The following MDM2 variants were observed in gnomAD, a reference collection of about 807,000 sequenced individuals.
The protein encoded by MDM2 is E3 ubiquitin-protein ligase Mdm2.
A neutral mutation model predicts 64.3 loss-of-function variants in MDM2; 11 were observed. The ratio of observed to expected loss-of-function variants is 0.17; its 90% CI spans 0.11 to 0.28. The LOEUF is 0.28. Among genes scored for constraint, MDM2 ranks in the 10% least tolerant of loss-of-function variants. MDM2 has a pLI of 1.00. For synonymous variants in MDM2, 194 were observed against 192.9 expected, an observed-to-expected ratio of 1.01 and a Z score of -0.05; for missense variants, 388 against 577.1, an observed-to-expected ratio of 0.67 and a Z score of 3.36.
chr12:68,819,463 A>G (rs1400969706), intron 4 of MDM2, among the ~76,000 whole-genome samples: 1 of 152,166 alleles, frequency 6.6e-6, no homozygotes, highest in Non-Finnish European at 1.5e-5. Flanking sequence ...TATTGAATGA[A>G]TGAGTACTGC....
At chr12:68,835,307 G>T (rs546225760) in intron 8 of MDM2, among the ~76,000 whole-genome samples, 104 of 152,340 alleles carry the variant, frequency 6.8e-4, no homozygotes, top group African/African-American at 2.0e-3. Flanking sequence ...CTTAGTCAAA[G>T]AAGGATGAAT....
chr12:68,836,242 T>A (rs1883300890), intron 9 of MDM2, among the ~76,000 whole-genome samples: 1 of 152,194 alleles, frequency 6.6e-6, no homozygotes, highest in South Asian at 2.1e-4. Context: ...GTCTGTTCAC[T>A]TTTAAAAACA....
chr12:68,839,923 C>A lies in MDM2; in HGVS notation c.*74C>A. The A allele has an allele frequency of 7.5e-7, 1 of 1,332,910 alleles. No homozygotes were observed. Among genetic ancestry groups the A allele is most frequent in the Non-Finnish European group, 1.0e-6 (1 of 975,124 alleles). The allele number at this position is 1,332,910 out of a possible 1,614,324, so 82.6% of individuals were successfully genotyped here. A position where few individuals can be genotyped will look rare whatever the true frequency, so the allele number is the denominator to read the frequency against. On this transcript the variant is annotated 3_prime_UTR_variant, in exon 11 of 11. Coordinates refer to ENST00000258149, the MANE Select transcript of MDM2 (RefSeq NM_002392.6). ...GAATTTAGACAACCTGAAATTTATTCACATATATCAAAGTGAGAAAATGCC... is the reference window on the plus strand; with the variant it reads ...GAATTTAGACAACCTGAAATTTATTAACATATATCAAAGTGAGAAAATGCC...
downstream of MDM2, chr12:68,847,167 A>G (rs1284516335): frequency 3.1e-5 from 3 of 96,770 alleles, no homozygotes; most frequent in Non-Finnish European, 6.2e-5. Context: ...TATAATACAT[A>G]TGTGTTTATG....
chr12:68,809,334 T>G (rs1205473338), intron 2 of MDM2, 42 bp downstream of exon 2: 4 of 1,554,530 alleles, frequency 2.6e-6, no homozygotes. Flanking sequence ...AATAATTTAT[T>G]TTATGAAGTG....
intron 8 of MDM2, among the ~76,000 whole-genome samples, chr12:68,833,309 A>ATATATTTACAT (rs1428704968): frequency 1.5e-5 from 1 of 66,788 alleles, no homozygotes; most frequent in Non-Finnish European, 3.2e-5. Flanking sequence ...ATATAAATAT[A>ATATATTTACAT]AAAATATAAT....
chr12:68,836,427 C>T (rs1883313082), intron 9 of MDM2, among the ~76,000 whole-genome samples: 1 of 152,078 alleles, frequency 6.6e-6, no homozygotes, highest in Admixed American at 6.6e-5. Context: ...TGAAGTAAAA[C>T]CACCTAGCTG....
At chr12:68,817,241 AAAGCTCTTG>A (rs1881460436) in intron 4 of MDM2, among the ~76,000 whole-genome samples, 1 of 152,242 alleles carries the variant, frequency 6.6e-6, no homozygotes, top group African/African-American at 2.4e-5. Flanking sequence ...TGTGGAGGTT[AAAGCTCTTG>A]AAGAGAGACG....
intron 4 of MDM2, 148 bp from the exon 5 acceptor site, chr12:68,820,177 A>C: frequency 1.8e-6 from 1 of 556,176 alleles, no homozygotes; most frequent in East Asian, 3.1e-5. Flanking sequence ...TTAAGTGCCT[A>C]CAAGCTTGCC....
Position 68,842,707 on chromosome 12 carries a change from ATT to A in MDM2, c.*2861_*2862del, listed in dbSNP as rs1163286012. The A allele has an allele frequency of 2.6e-5, 5 of 195,936 alleles. No homozygotes were observed. The highest frequency in any genetic ancestry group is 1.2e-4 in the African/African-American group (5 of 42,902). The allele number at this position is 195,936 out of a possible 1,614,324, so 12.1% of individuals were successfully genotyped here. A position where few individuals can be genotyped will look rare whatever the true frequency, so the allele number is the denominator to read the frequency against. On this transcript the variant is annotated 3_prime_UTR_variant, in exon 11 of 11. Coordinates refer to ENST00000258149, the MANE Select transcript of MDM2 (RefSeq NM_002392.6). ...TGGCTAGTGATATATATAAAGTAAA[ATT>A]TTCTTTGCAGTAAAATATGCCCTTT... is the stretch of plus-strand genomic sequence containing the variant.
chr12:68,829,688 C>T (rs557729894), intron 8 of MDM2, among the ~76,000 whole-genome samples: 2 of 151,538 alleles, frequency 1.3e-5, no homozygotes, highest in South Asian at 4.2e-4. Context: ...ATCGCTCGAA[C>T]CCAGGAGTTG....
Position 68,841,838 on chromosome 12 carries a change from A to G in MDM2, c.*1989A>G, listed in dbSNP as rs557499913. The G allele has an allele frequency of 4.3e-3, 902 of 210,576 alleles. 3 individuals are homozygous for G. Among genetic ancestry groups the G allele is most frequent in the Non-Finnish European group, 6.5e-3 (673 of 103,332 alleles). The allele number at this position is 210,576 out of a possible 1,614,324, so 13.0% of individuals were successfully genotyped here. ...TGCATCATTTTCCTTCAAGAATGACAGGGTCAGCATGTGGAATTCCAAGAT... is the reference window on the plus strand; with the variant it reads ...TGCATCATTTTCCTTCAAGAATGACGGGGTCAGCATGTGGAATTCCAAGAT... On this transcript the variant is annotated 3_prime_UTR_variant, in exon 11 of 11. Transcript: ENST00000258149.
At chr12:68,824,871 T>C (rs1003759098) in intron 7 of MDM2, 1 of 491,802 alleles carries the variant, frequency 2.0e-6, no homozygotes, top group Admixed American at 3.9e-5. Context: ...TGTGCCCCAC[T>C]GGAGTTTATA....
At chr12:68,810,770 A>T (rs995480051) in intron 2 of MDM2, among the ~76,000 whole-genome samples, 4 of 144,944 alleles carry the variant, frequency 2.8e-5, no homozygotes, top group African/African-American at 1.0e-4. Flanking sequence ...CTCTTTTATT[A>T]TTATTACTAT....
chr12:68,846,908 G>A (rs1884333392), downstream of MDM2: 1 of 151,764 alleles, frequency 6.6e-6, no homozygotes. Context: ...TTAATATTCT[G>A]TTTGCATCCA....
chr12:68,824,215 G>T (rs1010717747), intron 5 of MDM2, 148 bp from the exon 6 acceptor site: 1 of 591,020 alleles, frequency 1.7e-6, no homozygotes, highest in Non-Finnish European at 3.0e-6. Context: ...TTTAGTATGA[G>T]GATGCCACCT....
At position 68,815,115 on chromosome 12, in the gene MDM2, T is replaced by C. The variant is rs191657660; in HGVS notation, c.174+1487T>C. On this transcript the variant is annotated intron_variant, in intron 3 of 10. Transcript: ENST00000258149. ...CTTAGCCAGTTAAATCCAAAGACAG[T>C]GTTTGTAGGAAAGGGCCAGGTTAAA... 2.6e-5 allele frequency among the ~76,000 whole-genome samples: 4 copies of C among 152,302 alleles called. No homozygotes were observed. In the East Asian group the frequency reaches 7.7e-4, roughly 29 times the overall value.
At chr12:68,827,028 A>T (rs1010093202) in intron 7 of MDM2, among the ~76,000 whole-genome samples, 16 of 152,140 alleles carry the variant, frequency 1.1e-4, no homozygotes, top group African/African-American at 3.6e-4. Context: ...TACAAAAAAA[A>T]TTAGCCGGGC....
chr12:68,827,503 C>T (rs1298775720), intron 7 of MDM2, among the ~76,000 whole-genome samples: 1 of 152,012 alleles, frequency 6.6e-6, no homozygotes, highest in Non-Finnish European at 1.5e-5. Flanking sequence ...TCGAATTTGA[C>T]CTTTGCCTTT....
Sources: gnomAD v4.1 joint callset for allele counts (sites outside exome capture counted in the v4.1 genomes callset) on GRCh38, gnomAD v4.1.1 for gene constraint, MANE v1.5 for transcripts, NCBI Gene and HGNC (gene_info 2026-07-23, HGNC 2026-07-21) for gene names.